Variants in RAB36 observed in about 807,000 individuals in gnomAD.
RAB36 encodes the protein ras-related protein Rab-36.
Under a neutral mutation model 39.3 loss-of-function variants are expected in RAB36, and 33 were observed. That is an observed-to-expected ratio of 0.84 (90% CI 0.64 to 1.12). RAB36 has a LOEUF of 1.12. RAB36 is among the 50% of genes most tolerant of loss of function. The pLI, the probability that RAB36 is intolerant of heterozygous loss-of-function variation, is 0.00. For synonymous variants in RAB36, 133 were observed against 140.2 expected (o/e 0.95, Z 0.36); for missense variants, 308 against 355.3 (o/e 0.87, Z 1.07).
intron 3 of RAB36, 117 bp from the exon 4 acceptor site, chr22:23,152,344 G>C (rs1044520764): frequency 9.6e-6 from 10 of 1,040,910 alleles, no homozygotes; most frequent in Non-Finnish European, 9.0e-6. Context: ...GGCCCATCCT[G>C]TGTCCAGGAG....
rs2072015790 is a variant in RAB36 at position 23,165,188 on chromosome 22, A to C, written c.*3624A>C. Among the ~76,000 whole-genome samples, 2 of 152,186 alleles carry C rather than the reference A, an allele frequency of 1.3e-5. No individual in the cohort carries two copies. The highest frequency in any genetic ancestry group is 4.8e-5 in the African/African-American group (2 of 41,442). ...GAGGAAGGGCCCACAGTAGGTGCTC[A>C]ATAGATGTGTAAAGAAGGCAGGGAA... On this transcript the variant is annotated 3_prime_UTR_variant, in exon 11 of 11. Transcript: ENST00000263116.
rs919268045 is a variant in RAB36 at position 23,164,721 on chromosome 22, TC to T, written c.*3160del. On this transcript the variant is annotated 3_prime_UTR_variant, in exon 11 of 11. Coordinates refer to ENST00000263116, the MANE Select transcript of RAB36 (RefSeq NM_004914.5). The stretch of plus-strand genomic sequence containing the variant: ...TGCTGCCGAAACGCCTTTTTCCTCT[TC>T]CCTGTTTCCCTGGACCCTTTCCTGC... Among the ~76,000 whole-genome samples the T allele has an allele frequency of 6.6e-6, 1 of 152,090 alleles. No homozygotes were observed. Among genetic ancestry groups the T allele is most frequent in the Non-Finnish European group, 1.5e-5 (1 of 68,006 alleles).
At chr22:23,149,004 G>A (rs1007797580) in intron 2 of RAB36, among the ~76,000 whole-genome samples, 6 of 152,184 alleles carry the variant, frequency 3.9e-5, no homozygotes, top group Non-Finnish European at 5.9e-5. Context: ...ACTGGAGCTC[G>A]ATAAGTTTCT....
At chr22:23,158,230 A>G (rs1179487445) in intron 7 of RAB36, among the ~76,000 whole-genome samples, 187 bp downstream of exon 7, 2 of 152,128 alleles carry the variant, frequency 1.3e-5, no homozygotes, top group African/African-American at 4.8e-5. Flanking sequence ...ATTTGTCCCT[A>G]TTCTGGAGGA....
Position 23,161,709 on chromosome 22 carries a change from C to T in RAB36, c.*145C>T, listed in dbSNP as rs2071817218. ...TGTTCCAGTCCCTCCACCCACCCAC[C>T]GGGCTCAGCTCCAGGGCACAGTCAC... On this transcript the variant is annotated 3_prime_UTR_variant, in exon 11 of 11. Transcript: ENST00000263116. 13 of 688,772 alleles carry T rather than the reference C, an allele frequency of 1.9e-5. No homozygotes were observed. The highest frequency in any genetic ancestry group is 2.6e-5 in the Non-Finnish European group (11 of 418,534). The allele number at this position is 688,772 out of a possible 1,614,324, so 42.7% of individuals were successfully genotyped here.
At position 23,165,375 on chromosome 22, in the gene RAB36, A is replaced by C. The variant is rs1455512815; in HGVS notation, c.*3811A>C. ...GCCTCATCCCTCACTTGCAAACCCC[A>C]GTCCTGTCTGACCCAGAGACCCTCA... is the stretch of plus-strand genomic sequence containing the variant. On this transcript the variant is annotated 3_prime_UTR_variant, in exon 11 of 11. Coordinates refer to ENST00000263116, the MANE Select transcript of RAB36 (RefSeq NM_004914.5). Among the ~76,000 whole-genome samples the C allele has an allele frequency of 6.6e-6, 1 of 152,170 alleles. No homozygotes were observed. The highest frequency in any genetic ancestry group is 1.5e-5 in the Non-Finnish European group (1 of 68,024).
intron 1 of RAB36, chr22:23,145,845 G>A (rs1334802045): frequency 4.6e-6 from 2 of 434,346 alleles, no homozygotes; most frequent in Non-Finnish European, 6.1e-6. Flanking sequence ...CAGAGGGGCT[G>A]TTGAGGAGGC....
intron 6 of RAB36, 106 bp downstream of exon 6, chr22:23,156,138 C>CAT: frequency 1.6e-6 from 1 of 626,858 alleles, no homozygotes; most frequent in Non-Finnish European, 2.4e-6. Flanking sequence ...AGTTTTTTGT[C>CAT]CTCCAAGACC....
intron 1 of RAB36, chr22:23,146,097 C>T: frequency 1.1e-6 from 1 of 887,310 alleles, no homozygotes; most frequent in Non-Finnish European, 1.4e-6. Context: ...CTTCTGACTC[C>T]CAGGCAGGGT....
rs143418241 is a variant in RAB36, at chr22:23,151,857, A to C, written c.162-604A>C. Among the ~76,000 whole-genome samples the C allele has an allele frequency of 4.4e-3, 675 of 152,326 alleles. 3 individuals carry two copies. Among genetic ancestry groups the C allele is most frequent in the African/African-American group, 0.016 (653 of 41,572 alleles). ...TCAGAGCCGATTTGCCTCAAGCCAC[A>C]GCCCGGATGCATAGAGCCTCAGCCC... On this transcript the variant is annotated intron_variant, in intron 3 of 10. Transcript: ENST00000263116.
Position 23,145,531 on chromosome 22 carries a change from C to T in RAB36, c.-33C>T, listed in dbSNP as rs2146470529. 1 of 1,602,570 alleles carries T rather than the reference C, an allele frequency of 6.2e-7. No individual in the cohort carries two copies. Among genetic ancestry groups the T allele is most frequent in the South Asian group, 1.1e-5 (1 of 90,910 alleles). On this transcript the variant is annotated 5_prime_UTR_variant, in exon 1 of 11. An upstream open reading frame in the 5' UTR gains an earlier in-frame stop. Transcript: ENST00000263116. ...AGGCGGACCAGGCCGCGCGGAGCCC[C>T]AGCTTTCACAGCCATCGCTGGTGAG...
At chr22:23,153,251 C>A in intron 5 of RAB36, 117 bp downstream of exon 5, 1 of 783,010 alleles carries the variant, frequency 1.3e-6, no homozygotes, top group Non-Finnish European at 2.1e-6. Context: ...ACAAGCAGAG[C>A]CTGGGGGTGT....
In RAB36 at chr22:23,165,040, C is replaced by T. The variant is rs574936935; in HGVS notation, c.*3476C>T. Reference sequence around the variant, plus strand: ...CCTCTGTGGACACCCCCACAGCTCTCGCAGCACTTGATACCTTGAGTGTGA... The same window carrying T: ...CCTCTGTGGACACCCCCACAGCTCTTGCAGCACTTGATACCTTGAGTGTGA... On this transcript the variant is annotated 3_prime_UTR_variant, in exon 11 of 11. Coordinates refer to ENST00000263116, the MANE Select transcript of RAB36 (RefSeq NM_004914.5). 1.4e-4 allele frequency among the ~76,000 whole-genome samples: 22 copies of T among 152,290 alleles called. No homozygotes were observed. Among genetic ancestry groups the T allele is most frequent in the East Asian group, 5.8e-4 (3 of 5,180 alleles).
chr22:23,152,054 T>A (rs1268452254), intron 3 of RAB36, among the ~76,000 whole-genome samples: 1 of 152,066 alleles, frequency 6.6e-6, no homozygotes, highest in Non-Finnish European at 1.5e-5. Flanking sequence ...TTTGCCGGGG[T>A]CTCCCTGCAC....
rs1435936344 is a variant in RAB36 at position 23,163,599 on chromosome 22, G to C, written c.*2035G>C. 1 of 128,734 alleles carries C rather than the reference G, an allele frequency of 7.8e-6. No homozygotes were observed. The highest frequency in any genetic ancestry group is 2.9e-5 in the African/African-American group (1 of 33,912). 8.0% of individuals were successfully genotyped at this position (128,734 alleles called of 1,614,324 possible). A position where few individuals can be genotyped will look rare whatever the true frequency, so the allele number is the denominator to read the frequency against. Reference sequence around the variant, plus strand: ...ACAGTACAAAGCATATAAAATACAAGGTGAAAGCCCCCCCCCCGCCACATT... The same window carrying C: ...ACAGTACAAAGCATATAAAATACAACGTGAAAGCCCCCCCCCCGCCACATT... On this transcript the variant is annotated 3_prime_UTR_variant, in exon 11 of 11. Coordinates refer to ENST00000263116, the MANE Select transcript of RAB36 (RefSeq NM_004914.5).
rs2071869594 is a variant in RAB36, at chr22:23,162,630, C to T, written c.*1066C>T. On this transcript the variant is annotated 3_prime_UTR_variant, in exon 11 of 11. Coordinates refer to ENST00000263116, the MANE Select transcript of RAB36 (RefSeq NM_004914.5). ...AGCCTCTCTGCCCAGTATGCTCATC[C>T]ACAGGGTTTTCTCACTGCTATGAAC... The T allele has an allele frequency of 2.2e-6, 1 of 456,214 alleles. No individual in the cohort carries two copies. Among genetic ancestry groups the T allele is most frequent in the Non-Finnish European group, 4.4e-6 (1 of 226,984 alleles). The allele number at this position is 456,214 out of a possible 1,614,324, so 28.3% of individuals were successfully genotyped here.
Position 23,162,771 on chromosome 22 carries a change from GCTC to G in RAB36, c.*1208_*1210del, listed in dbSNP as rs1439247357. 1 of 455,942 alleles carries G rather than the reference GCTC, an allele frequency of 2.2e-6. No homozygotes were observed. The highest frequency in any genetic ancestry group is 2.4e-5 in the Admixed American group (1 of 42,546). The allele number at this position is 455,942 out of a possible 1,614,324, so 28.2% of individuals were successfully genotyped here. On this transcript the variant is annotated 3_prime_UTR_variant, in exon 11 of 11. Transcript: ENST00000263116. Reference sequence around the variant, plus strand: ...TGCAGGCAGCCTTCTGATCAGTACTGCTCTCCTAGGGCCTGGCACACTGCAGCT... The same window carrying G: ...TGCAGGCAGCCTTCTGATCAGTACTGTCCTAGGGCCTGGCACACTGCAGCT...
chr22:23,168,495 GCC>G (rs2072086514), downstream of RAB36, among the ~76,000 whole-genome samples: 1 of 146,644 alleles, frequency 6.8e-6, no homozygotes, highest in African/African-American at 2.6e-5. Context: ...ACCGCTCCCC[GCC>G]ACACACACAC....
At chr22:23,152,894 C>T (rs1365627390) in intron 4 of RAB36, 139 bp from the exon 5 acceptor site, 5 of 675,080 alleles carry the variant, frequency 7.4e-6, no homozygotes, top group East Asian at 5.0e-5. Context: ...GCTGCCCTGC[C>T]CACCCATGGC....
Sources: gnomAD v4.1 joint callset for allele counts (sites outside exome capture counted in the v4.1 genomes callset) on GRCh38, gnomAD v4.1.1 for gene constraint, MANE v1.5 for transcripts, NCBI Gene and HGNC (gene_info 2026-07-23, HGNC 2026-07-21) for gene names.